GRIP1: variants seen among roughly 807,000 people sequenced by gnomAD.
GRIP1 encodes the protein glutamate receptor-interacting protein 1.
GRIP1 carries 45 observed loss-of-function variants against 129.9 expected under a neutral mutation model. That is an observed-to-expected ratio of 0.35 (90% CI 0.27 to 0.44). The LOEUF is 0.44. Among genes scored for constraint, GRIP1 ranks in the 20% least tolerant of loss-of-function variants. GRIP1 has a pLI of 1.00. For missense variants in GRIP1, 1,196 were observed against 1,396.8 expected, an observed-to-expected ratio of 0.86 and a Z score of 2.29; for synonymous variants, 530 against 520.8, an observed-to-expected ratio of 1.02 and a Z score of -0.24.
chr12:66,384,353 C>T (rs2056260224), intron 19 of GRIP1, among the ~76,000 whole-genome samples: 1 of 152,092 alleles, frequency 6.6e-6, no homozygotes, highest in Non-Finnish European at 1.5e-5. Flanking sequence ...GGATTTGAAA[C>T]CGATTAAGAG....
chr12:66,691,109 T>C (rs1166697876), intron 1 of GRIP1, among the ~76,000 whole-genome samples: 2 of 152,312 alleles, frequency 1.3e-5, no homozygotes, highest in East Asian at 3.9e-4. Context: ...TTTTATGAGA[T>C]TTTTGTTTCA....
At chr12:66,843,085 G>A (rs1196432095) in intron 1 of GRIP1, among the ~76,000 whole-genome samples, 1 of 152,060 alleles carries the variant, frequency 6.6e-6, no homozygotes, top group Non-Finnish European at 1.5e-5. Flanking sequence ...TAGTAATAGT[G>A]TAGAGAAAAC....
intron 7 of GRIP1, among the ~76,000 whole-genome samples, chr12:66,490,373 T>C (rs2060072247): frequency 6.6e-6 from 1 of 152,112 alleles, no homozygotes; most frequent in Non-Finnish European, 1.5e-5. Flanking sequence ...AAACAAGCAA[T>C]GGGGAAAGGA....
At chr12:66,896,617 C>T (rs2040754152) in intron 1 of GRIP1, among the ~76,000 whole-genome samples, 2 of 152,034 alleles carry the variant, frequency 1.3e-5, no homozygotes, top group Non-Finnish European at 2.9e-5. Flanking sequence ...ATATGAATGG[C>T]TACCCCTTCC....
intron 1 of GRIP1, among the ~76,000 whole-genome samples, chr12:66,651,310 C>A (rs1361345570): frequency 6.6e-6 from 1 of 152,170 alleles, no homozygotes; most frequent in African/African-American, 2.4e-5. Context: ...TGGTTTATTT[C>A]ACACACTGGA....
intron 1 of GRIP1, among the ~76,000 whole-genome samples, chr12:66,852,395 G>C (rs907899711): frequency 6.6e-6 from 1 of 151,680 alleles, no homozygotes; most frequent in Non-Finnish European, 1.5e-5. Flanking sequence ...AATGAGATTC[G>C]AGTAGAGTAT....
At chr12:66,886,769 C>T (rs1438630588) in intron 1 of GRIP1, among the ~76,000 whole-genome samples, 4 of 152,152 alleles carry the variant, frequency 2.6e-5, no homozygotes, top group African/African-American at 9.7e-5. Context: ...CATCATACCA[C>T]AAAAAGCACT....
At chr12:66,874,222 T>C (rs941233336) in intron 1 of GRIP1, among the ~76,000 whole-genome samples, 3 of 152,110 alleles carry the variant, frequency 2.0e-5, no homozygotes, top group Non-Finnish European at 4.4e-5. Flanking sequence ...ATGGAATGTG[T>C]ATTTGTTTTT....
In GRIP1 at chr12:66,903,012, A is replaced by C. The variant is rs527998741; in HGVS notation, c.58+166038T>G. 2.8e-4 allele frequency among the ~76,000 whole-genome samples: 42 copies of C among 152,300 alleles called. No individual in the cohort carries two copies. In the Middle Eastern group the frequency reaches 0.014, roughly 49 times the overall value. On this transcript the variant is annotated intron_variant, in intron 1 of 1. Coordinates refer to the GRIP1 transcript ENST00000643019. ...TATTTTTAAATACATTATTTATACAAACACAGTTTTTTTTAGAGTAAATGC... is the reference window on the plus strand; with the variant it reads ...TATTTTTAAATACATTATTTATACACACACAGTTTTTTTTAGAGTAAATGC...
chr12:66,406,006 G>A (rs2057177058), intron 16 of GRIP1, among the ~76,000 whole-genome samples: 1 of 152,170 alleles, frequency 6.6e-6, no homozygotes, highest in Non-Finnish European at 1.5e-5. Flanking sequence ...CAGTTTCACT[G>A]TATTAGATGA....
At chr12:66,537,023 T>C (rs144536320) in intron 4 of GRIP1, among the ~76,000 whole-genome samples, 3 of 152,236 alleles carry the variant, frequency 2.0e-5, no homozygotes, top group East Asian at 3.9e-4. Flanking sequence ...AATATGCATA[T>C]GGACTTTGGA....
chr12:66,515,901 G>A (rs2060830659), intron 6 of GRIP1, 137 bp from the exon 7 acceptor site: 1 of 734,094 alleles, frequency 1.4e-6, no homozygotes, highest in South Asian at 1.5e-5. Context: ...AGCATCAAAT[G>A]TGACAGTAAG....
At chr12:66,406,163 T>C in intron 16 of GRIP1, 120 bp downstream of exon 16, 1 of 916,924 alleles carries the variant, frequency 1.1e-6, no homozygotes, top group Non-Finnish European at 1.7e-6. Flanking sequence ...CTCTTTTAGC[T>C]GTGAAACACT....
intron 19 of GRIP1, among the ~76,000 whole-genome samples, chr12:66,383,662 T>C (rs1406362717): frequency 6.6e-6 from 1 of 152,166 alleles, no homozygotes; most frequent in African/African-American, 2.4e-5. Context: ...CTGAGCTTGA[T>C]GGAGGCAAGA....
At chr12:66,490,590 T>C (rs944014233) in intron 7 of GRIP1, among the ~76,000 whole-genome samples, 7 of 150,474 alleles carry the variant, frequency 4.7e-5, no homozygotes, top group African/African-American at 1.7e-4. Context: ...ATGATGAAAA[T>C]ACTAAAAGCA....
At position 66,377,195 on chromosome 12, in the gene GRIP1, T is replaced by C. The variant is rs540793668; in HGVS notation, c.2712A>G (p.Ser904=). Residue 904 remains serine, a synonymous_variant, in exon 21 of 25, where the codon TCA becomes TCG. Coordinates refer to ENST00000359742, the MANE Select transcript of GRIP1 (RefSeq NM_001366722.1). ...CTACCTCCAGTTCTCTCAGAATTCC[T>C]GACTGTCCGCAGGTTTCCAAATCCT... ...ALEDLETCGQ[S]GILRELEEKA... The C allele has an allele frequency of 1.2e-6, 2 of 1,611,734 alleles. No individual in the cohort carries two copies. Among genetic ancestry groups the C allele is most frequent in the African/African-American group, 2.7e-5 (2 of 75,008 alleles).
chr12:66,815,538 A>T (rs1398563881), intron 1 of GRIP1, among the ~76,000 whole-genome samples: 2 of 152,136 alleles, frequency 1.3e-5, no homozygotes, highest in Non-Finnish European at 2.9e-5. Flanking sequence ...GGGTGAGTGG[A>T]TTACTTGAGC....
chr12:66,401,952 T>C (rs2057016870), intron 16 of GRIP1, among the ~76,000 whole-genome samples: 2 of 152,304 alleles, frequency 1.3e-5, no homozygotes, highest in South Asian at 4.1e-4. Context: ...AGTCCTCTAA[T>C]GGCCCCCCAT....
intron 1 of GRIP1, among the ~76,000 whole-genome samples, chr12:66,974,968 A>G (rs1219503120): frequency 6.6e-6 from 1 of 152,166 alleles, no homozygotes. Context: ...CTCTCATCAA[A>G]CATTCCTTTA....
Sources: gnomAD v4.1 joint callset for allele counts (sites outside exome capture counted in the v4.1 genomes callset) on GRCh38, gnomAD v4.1.1 for gene constraint, MANE v1.5 for transcripts, NCBI Gene and HGNC (gene_info 2026-07-23, HGNC 2026-07-21) for gene names.